The following DLG2 variants were observed in gnomAD, a reference collection of about 807,000 sequenced individuals.
DLG2 encodes the protein disks large homolog 2.
DLG2 carries 45 observed loss-of-function variants against 132.5 expected under a neutral mutation model. The observed-to-expected ratio is 0.34, with a 90% CI of 0.27 to 0.44. The LOEUF (loss-of-function observed/expected upper bound fraction) is 0.44. Ranked by LOEUF, DLG2 falls within the 20% of genes least tolerant of loss-of-function variation. DLG2 has a pLI of 1.00. For synonymous variants in DLG2, 424 were observed against 419.6 expected (o/e 1.01, Z -0.13); for missense variants, 1,045 against 1,196.9 (o/e 0.87, Z 1.87).
chr11:83,927,730 C>T (rs749453419), intron 15 of DLG2, among the ~76,000 whole-genome samples: 1 of 151,906 alleles, frequency 6.6e-6, no homozygotes, highest in African/African-American at 2.4e-5. Flanking sequence ...TGAGAATAAG[C>T]CTGGAGGTCA....
chr11:84,828,748 C>G (rs1357019351), intron 6 of DLG2, among the ~76,000 whole-genome samples: 1 of 151,688 alleles, frequency 6.6e-6, no homozygotes, highest in African/African-American at 2.4e-5. Flanking sequence ...CAATTCTAGC[C>G]CAGTACATAA....
At chr11:84,158,206 G>C (rs145613793) in intron 9 of DLG2, among the ~76,000 whole-genome samples, 1,873 of 152,118 alleles carry the variant, frequency 0.012, 36 homozygotes, top group African/African-American at 0.043. Context: ...TGGGACTACA[G>C]GTGCCTGCCA....
intron 19 of DLG2, among the ~76,000 whole-genome samples, chr11:83,576,355 T>C (rs758995048): frequency 1.3e-4 from 20 of 152,104 alleles, no homozygotes; most frequent in Non-Finnish European, 2.4e-4. Context: ...AGGAAAAATA[T>C]TTGAAGGAAT....
intron 4 of DLG2, among the ~76,000 whole-genome samples, chr11:85,271,661 G>A (rs1216332747): frequency 6.6e-6 from 1 of 152,242 alleles, no homozygotes; most frequent in Non-Finnish European, 1.5e-5. Context: ...TGACCTAGAT[G>A]TGAGACATGA....
chr11:83,921,407 C>G (rs2077872810), intron 15 of DLG2, among the ~76,000 whole-genome samples: 1 of 152,148 alleles, frequency 6.6e-6, no homozygotes, highest in Non-Finnish European at 1.5e-5. Context: ...CTCATTGTTT[C>G]CATTTGTTTC....
chr11:85,045,723 A>G (rs562889846), intron 6 of DLG2, among the ~76,000 whole-genome samples: 19 of 152,178 alleles, frequency 1.2e-4, no homozygotes, highest in African/African-American at 4.6e-4. Context: ...GCCTACTTGT[A>G]AAGTTCAAGT....
At chr11:85,293,609 A>G (rs890506654) in intron 3 of DLG2, among the ~76,000 whole-genome samples, 3 of 152,160 alleles carry the variant, frequency 2.0e-5, no homozygotes, top group African/African-American at 4.8e-5. Context: ...GAAATCTTCA[A>G]AAATGTCAAG....
At chr11:84,904,424 G>A (rs1017948900) in intron 6 of DLG2, among the ~76,000 whole-genome samples, 6 of 152,094 alleles carry the variant, frequency 3.9e-5, no homozygotes, top group Non-Finnish European at 5.9e-5. Context: ...AGCTCACCTC[G>A]ATATTCATGA....
chr11:85,001,404 G>A (rs1472854664), intron 6 of DLG2, among the ~76,000 whole-genome samples: 2 of 152,152 alleles, frequency 1.3e-5, no homozygotes, highest in Non-Finnish European at 2.9e-5. Context: ...GCAAAGAAAT[G>A]TTGAGACATG....
At chr11:84,011,868 C>T (rs190431934) in intron 11 of DLG2, among the ~76,000 whole-genome samples, 7 of 152,140 alleles carry the variant, frequency 4.6e-5, no homozygotes, top group Admixed American at 3.3e-4. Flanking sequence ...AATACATGTC[C>T]ATAGCACATT....
chr11:83,859,245 G>C (rs772356305), intron 16 of DLG2, among the ~76,000 whole-genome samples: 3 of 152,232 alleles, frequency 2.0e-5, no homozygotes, highest in African/African-American at 4.8e-5. Flanking sequence ...GTAACAAGTA[G>C]AGGCTGGACC....
chr11:83,498,864 TA>T (rs1439898042), intron 21 of DLG2, among the ~76,000 whole-genome samples: 1 of 150,720 alleles, frequency 6.6e-6, no homozygotes, highest in African/African-American at 2.4e-5. Flanking sequence ...ACATTAGGAA[TA>T]AAAGAAGAGA....
At chr11:85,012,804 G>T (rs2059258985) in intron 6 of DLG2, among the ~76,000 whole-genome samples, 1 of 152,010 alleles carries the variant, frequency 6.6e-6, no homozygotes, top group Non-Finnish European at 1.5e-5. Flanking sequence ...GTGATTTTAA[G>T]AAAATGAATG....
intron 3 of DLG2, among the ~76,000 whole-genome samples, chr11:85,317,755 T>C (rs577358285): frequency 6.6e-6 from 1 of 151,948 alleles, no homozygotes; most frequent in African/African-American, 2.4e-5. Context: ...TGGGGCCTAT[T>C]GGAGGATGAA....
At chr11:83,913,928 T>C (rs940892270) in intron 15 of DLG2, among the ~76,000 whole-genome samples, 1 of 152,118 alleles carries the variant, frequency 6.6e-6, no homozygotes, top group African/African-American at 2.4e-5. Flanking sequence ...CAGGTGCATA[T>C]AGACAGACTG....
chr11:85,072,112 C>T (rs1279870311), intron 6 of DLG2, among the ~76,000 whole-genome samples: 4 of 151,834 alleles, frequency 2.6e-5, no homozygotes, highest in African/African-American at 9.7e-5. Context: ...AGTTCATTGT[C>T]CTCATTGTTA....
intron 7 of DLG2, among the ~76,000 whole-genome samples, chr11:84,336,391 C>A (rs1515090): frequency 0.14 from 21,085 of 152,168 alleles, 1,563 homozygotes; most frequent in African/African-American, 0.17. Context: ...TCCTCCCAAC[C>A]ATTTTCAATG....
intron 5 of DLG2, among the ~76,000 whole-genome samples, chr11:85,120,287 A>G (rs1347707851): frequency 6.6e-6 from 1 of 152,094 alleles, no homozygotes; most frequent in Non-Finnish European, 1.5e-5. Flanking sequence ...CATGGCCAAC[A>G]TCAAGCAATA....
chr11:84,791,932 T>C (rs1304253916), intron 6 of DLG2, among the ~76,000 whole-genome samples: 1 of 152,154 alleles, frequency 6.6e-6, no homozygotes, highest in African/African-American at 2.4e-5. Context: ...TATCTTTCTA[T>C]TGTCTGATTG....
Sources: gnomAD v4.1 joint callset for allele counts (sites outside exome capture counted in the v4.1 genomes callset) on GRCh38, gnomAD v4.1.1 for gene constraint, MANE v1.5 for transcripts, NCBI Gene and HGNC (gene_info 2026-07-23, HGNC 2026-07-21) for gene names.